The following CSNK1G1 variants were observed in gnomAD, a reference collection of about 807,000 sequenced individuals.
CSNK1G1 encodes casein kinase I isoform gamma-1.
A neutral mutation model predicts 59.6 loss-of-function variants in CSNK1G1; 22 were observed. The observed-to-expected ratio is 0.37, with a 90% CI of 0.26 to 0.53. The LOEUF is 0.53. Ranked by LOEUF, CSNK1G1 falls within the 20% of genes least tolerant of loss-of-function variation. The probability of loss-of-function intolerance (pLI) is 0.89; values close to 1 mark genes in which losing one functional copy is unlikely to be tolerated. For missense variants in CSNK1G1, 384 were observed against 519.5 expected (o/e 0.74, Z 2.54); for synonymous variants, 179 against 177.1 (o/e 1.01, Z -0.08).
At chr15:64,234,199 CA>C (rs746558660) in intron 4 of CSNK1G1, among the ~76,000 whole-genome samples, 11 of 152,152 alleles carry the variant, frequency 7.2e-5, no homozygotes, top group Non-Finnish European at 1.5e-4. Flanking sequence ...CAGATATTTT[CA>C]AACACCCCCC....
rs1165768581 is a variant in CSNK1G1 at position 64,352,447 on chromosome 15, C to CTTTTTTTTTTTTTTTTTTTTTTTTTT, written c.-225+3540_-225+3541insAAAAAAAAAAAAAAAAAAAAAAAAAA. Among the ~76,000 whole-genome samples the CTTTTTTTTTTTTTTTTTTTTTTTTTT allele has an allele frequency of 1.7e-4, 15 of 89,430 alleles. 1 individual carries two copies. Among genetic ancestry groups the CTTTTTTTTTTTTTTTTTTTTTTTTTT allele is most frequent in the African/African-American group, 6.2e-4 (14 of 22,738 alleles). The allele number at this position is 89,430 out of a possible 152,430, so 58.7% of individuals were successfully genotyped here. ...ATCACAAAACATAATTTGAATTCTT[C>CTTTTTTTTTTTTTTTTTTTTTTTTTT]TTTTTTTTTTTTTTTTTTTGAGATG... On this transcript the variant is annotated intron_variant, in intron 1 of 11. Transcript: ENST00000303052.
chr15:64,337,344 A>C lies in CSNK1G1; in HGVS notation c.-225+18644T>G, dbSNP rs566042149. 3.9e-5 allele frequency among the ~76,000 whole-genome samples: 6 copies of C among 152,264 alleles called. No homozygotes were observed. The South Asian group carries it at 1.2e-3, about 32-fold the overall frequency. On this transcript the variant is annotated intron_variant, in intron 1 of 11. Transcript: ENST00000303052. Reference sequence around the variant, plus strand: ...TTCTAATAAGTTTTTCCAGTAATATACTAACATTTTTGTCTGTTTTAAGAG... The same window carrying C: ...TTCTAATAAGTTTTTCCAGTAATATCCTAACATTTTTGTCTGTTTTAAGAG...
At chr15:64,209,970 C>T (rs2082230538) in intron 6 of CSNK1G1, among the ~76,000 whole-genome samples, 1 of 152,068 alleles carries the variant, frequency 6.6e-6, no homozygotes, top group South Asian at 2.1e-4. Flanking sequence ...AAAAAGATTT[C>T]ACAGCAAAAT....
At chr15:64,237,344 G>A (rs973040248) in intron 4 of CSNK1G1, among the ~76,000 whole-genome samples, 1 of 152,150 alleles carries the variant, frequency 6.6e-6, no homozygotes, top group Non-Finnish European at 1.5e-5. Context: ...CTGGCAGAGA[G>A]ACCTGAAAAA....
At chr15:64,192,543 A>C (rs2081985547) in intron 10 of CSNK1G1, among the ~76,000 whole-genome samples, 1 of 152,192 alleles carries the variant, frequency 6.6e-6, no homozygotes, top group African/African-American at 2.4e-5. Flanking sequence ...GGGGAAAAAA[A>C]TCTCTCCCAG....
rs2081651379 is a variant in CSNK1G1, at chr15:64,170,485, G to T, written c.*1446C>A. On this transcript the variant is annotated 3_prime_UTR_variant, in exon 12 of 12. Coordinates refer to ENST00000303052, the MANE Select transcript of CSNK1G1 (RefSeq NM_022048.5). ...ATCCTAAGCCTACTGCTATGGACCT[G>T]CTGGGAGAAGATCTTCATAAGCTTG... is the stretch of plus-strand genomic sequence containing the variant. The T allele has an allele frequency of 6.6e-6, 1 of 152,662 alleles. No individual in the cohort carries two copies. The highest frequency in any genetic ancestry group is 2.4e-5 in the African/African-American group (1 of 41,432). The allele number at this position is 152,662 out of a possible 1,614,324, so 9.5% of individuals were successfully genotyped here.
At chr15:64,233,387 C>T (rs931113209) in intron 4 of CSNK1G1, among the ~76,000 whole-genome samples, 3 of 152,006 alleles carry the variant, frequency 2.0e-5, no homozygotes, top group African/African-American at 7.2e-5. Flanking sequence ...ATTTTCCTTT[C>T]CCCAGTGCAA....
rs1198541233 is a variant in CSNK1G1 at position 64,204,465 on chromosome 15, G to C, written c.975C>G (p.Ala325=). Reference sequence around the variant, plus strand: ...CAATAGGTCTCCCAACCCAATCATAGGCATAGTCAAAGGTGTAGCCTTTCT... The same window carrying C: ...CAATAGGTCTCCCAACCCAATCATACGCATAGTCAAAGGTGTAGCCTTTCT... ...FEKKGYTFDY[A]YDWVGRPIPT... Residue 325 remains alanine, a synonymous_variant, in exon 9 of 12, where the codon GCC becomes GCG. Coordinates refer to ENST00000303052, the MANE Select transcript of CSNK1G1 (RefSeq NM_022048.5). The C allele has an allele frequency of 6.2e-6, 10 of 1,603,272 alleles. No individual in the cohort carries two copies. The highest frequency in any genetic ancestry group is 3.3e-4 in the Middle Eastern group (2 of 6,022).
chr15:64,304,834 T>C (rs1483257636), intron 1 of CSNK1G1, among the ~76,000 whole-genome samples: 2 of 152,186 alleles, frequency 1.3e-5, no homozygotes, highest in Non-Finnish European at 2.9e-5. Flanking sequence ...TATGATGAAA[T>C]TGTTTATAGG....
Position 64,345,940 on chromosome 15 carries a change from G to A in CSNK1G1, c.-225+10048C>T, listed in dbSNP as rs940136860. Among the ~76,000 whole-genome samples, 4 of 152,126 alleles carry A rather than the reference G, an allele frequency of 2.6e-5. No homozygotes were observed. The South Asian group carries it at 8.3e-4, about 32-fold the overall frequency. On this transcript the variant is annotated intron_variant, in intron 1 of 11. Coordinates refer to ENST00000303052, the MANE Select transcript of CSNK1G1 (RefSeq NM_022048.5). ...CAAGTAGCTAGGACTACAGGCATGC[G>A]CCACCACACCCAGCTAATTTTTGTA...
intron 4 of CSNK1G1, among the ~76,000 whole-genome samples, chr15:64,229,030 A>G (rs1192241142): frequency 6.6e-6 from 1 of 151,850 alleles, no homozygotes; most frequent in East Asian, 1.9e-4. Flanking sequence ...AAAAAAAAAA[A>G]AAAAAAAAGA....
chr15:64,266,838 T>G (rs1295040738), intron 2 of CSNK1G1, among the ~76,000 whole-genome samples: 4 of 152,170 alleles, frequency 2.6e-5, no homozygotes, highest in Non-Finnish European at 5.9e-5. Flanking sequence ...GACCCTTATC[T>G]CTCACCTTAT....
intron 3 of CSNK1G1, 42 bp from the exon 4 acceptor site, chr15:64,251,623 T>A: frequency 2.1e-6 from 3 of 1,442,570 alleles, no homozygotes; most frequent in Middle Eastern, 1.8e-4. Context: ...TTTAAACAAA[T>A]GGGATTTTTC....
chr15:64,343,560 T>C (rs1231777656), intron 1 of CSNK1G1, among the ~76,000 whole-genome samples: 1 of 152,118 alleles, frequency 6.6e-6, no homozygotes, highest in Non-Finnish European at 1.5e-5. Context: ...GATCCACTAC[T>C]TTAACTTTAA....
intron 6 of CSNK1G1, among the ~76,000 whole-genome samples, chr15:64,212,363 C>A (rs1168115109): frequency 6.6e-6 from 1 of 152,130 alleles, no homozygotes; most frequent in African/African-American, 2.4e-5. Context: ...GGTGAATAAC[C>A]TGTGTAGTTT....
intron 1 of CSNK1G1, among the ~76,000 whole-genome samples, chr15:64,315,260 G>A (rs1339343433): frequency 6.6e-6 from 1 of 152,228 alleles, no homozygotes; most frequent in Non-Finnish European, 1.5e-5. Context: ...AGGGAACACA[G>A]TTTCCAGAAA....
intron 2 of CSNK1G1, among the ~76,000 whole-genome samples, chr15:64,269,073 A>G (rs1249600995): frequency 6.6e-6 from 1 of 152,210 alleles, no homozygotes; most frequent in African/African-American, 2.4e-5. Context: ...TCACCAAAAA[A>G]AAAGGGTAAT....
chr15:64,187,604 T>C (rs1389225059), intron 10 of CSNK1G1, among the ~76,000 whole-genome samples: 12 of 152,208 alleles, frequency 7.9e-5, no homozygotes, highest in Non-Finnish European at 1.5e-5. Flanking sequence ...TGTAACAGCA[T>C]ATCCTAGATG....
intron 11 of CSNK1G1, 98 bp from the exon 12 acceptor site, chr15:64,172,083 C>A: frequency 3.7e-6 from 4 of 1,092,072 alleles, no homozygotes; most frequent in Admixed American, 3.4e-5. Flanking sequence ...AATTTTCCCC[C>A]TAGCACCCAC....
Sources: allele counts gnomAD v4.1 joint callset (sites outside exome capture counted in the v4.1 genomes callset), GRCh38; gene constraint gnomAD v4.1.1; transcripts MANE v1.5; gene names NCBI Gene and HGNC (gene_info 2026-07-23, HGNC 2026-07-21).